The following ROR1 variants were observed in gnomAD, a reference collection of about 807,000 sequenced individuals.
ROR1 encodes ROR family WNT receptor 1, also known as inactive tyrosine-protein kinase transmembrane receptor ROR1.
A neutral mutation model predicts 78.8 loss-of-function variants in ROR1; 19 were observed. The observed-to-expected ratio is 0.24, with a 90% CI of 0.17 to 0.35. The LOEUF (loss-of-function observed/expected upper bound fraction) is 0.35. Among genes scored for constraint, ROR1 ranks in the 10% least tolerant of loss-of-function variants. ROR1 has a pLI of 1.00. For synonymous variants in ROR1, 386 were observed against 433.6 expected, an observed-to-expected ratio of 0.89 and a Z score of 1.36; for missense variants, 917 against 1,177.8, an observed-to-expected ratio of 0.78 and a Z score of 3.24.
At chr1:63,954,361 T>C (rs1347840386) in intron 1 of ROR1, among the ~76,000 whole-genome samples, 1 of 152,200 alleles carries the variant, frequency 6.6e-6, no homozygotes, top group Non-Finnish European at 1.5e-5. Context: ...GACTTGGTCA[T>C]ATGGTCACAC....
intron 2 of ROR1, among the ~76,000 whole-genome samples, chr1:64,019,648 G>A (rs1306024528): frequency 2.6e-5 from 4 of 152,002 alleles, no homozygotes; most frequent in South Asian, 4.2e-4. Flanking sequence ...ACCATCTATC[G>A]AGGGCTTATG....
chr1:63,956,738 A>T (rs1312786733), intron 1 of ROR1, among the ~76,000 whole-genome samples: 1 of 152,224 alleles, frequency 6.6e-6, no homozygotes, highest in African/African-American at 2.4e-5. Flanking sequence ...AAAGCAATAG[A>T]TGCCTGTAGT....
chr1:63,893,809 G>A (rs1645418693), intron 1 of ROR1, among the ~76,000 whole-genome samples: 1 of 152,094 alleles, frequency 6.6e-6, no homozygotes, highest in African/African-American at 2.4e-5. Flanking sequence ...AGGATTCTTG[G>A]TAGATGCCTA....
chr1:64,136,448 A>G (rs1229982287), intron 4 of ROR1, among the ~76,000 whole-genome samples: 3 of 149,850 alleles, frequency 2.0e-5, no homozygotes, highest in African/African-American at 7.4e-5. Context: ...TGGTTTGGCT[A>G]TGGTCTGCCT....
intron 8 of ROR1, among the ~76,000 whole-genome samples, chr1:64,159,853 C>A (rs1160703510): frequency 6.6e-6 from 1 of 152,116 alleles, no homozygotes; most frequent in Non-Finnish European, 1.5e-5. Context: ...TGCTTTTCAT[C>A]CACATCTTTC....
chr1:63,887,231 G>GT (rs561862419), intron 1 of ROR1, among the ~76,000 whole-genome samples: 2 of 151,036 alleles, frequency 1.3e-5, no homozygotes, highest in Non-Finnish European at 3.0e-5. Flanking sequence ...GGGATGGGGG[G>GT]GTTTGGGGAT....
intron 2 of ROR1, among the ~76,000 whole-genome samples, chr1:64,031,362 T>A (rs1646658362): frequency 6.6e-6 from 1 of 152,222 alleles, no homozygotes; most frequent in African/African-American, 2.4e-5. Flanking sequence ...TTAGCCTTGC[T>A]ATCCTGAGTA....
chr1:64,039,714 G>A (rs1251662413), intron 2 of ROR1, among the ~76,000 whole-genome samples: 1 of 152,166 alleles, frequency 6.6e-6, no homozygotes, highest in Non-Finnish European at 1.5e-5. Context: ...TCACAGAGAT[G>A]ACTTATGATG....
Position 64,178,349 on chromosome 1 carries a change from A to T in ROR1, c.2308A>T (p.Thr770Ser). Residue 770 changes from threonine (T) to serine (S), a missense_variant, in exon 9 of 9, where the codon ACA becomes TCA. Physicochemically the swap from Thr to Ser is moderately conservative, Grantham distance 58. Around this residue, in one of 3 missense-constraint regions of ROR1, gnomAD observed 835 missense variants for 1,069.8 expected, o/e 0.78. Transcript: ENST00000371079. This position sits in a 1 kb window ranked among gnomAD's most constrained non-coding sequence, Gnocchi z 4.3. Reference sequence around the variant, plus strand: ...TTCAGGGGGAAATGCCACCACACAGACAACCTCCCTCAGTGCCAGCCCAGT... The same window carrying T: ...TTCAGGGGGAAATGCCACCACACAGTCAACCTCCCTCAGTGCCAGCCCAGT... ...TPSGGNATTQ[T>S]TSLSASPVSN... is the part of the protein sequence containing the mutation. The T allele has an allele frequency of 6.2e-7, 1 of 1,614,190 alleles. No homozygotes were observed. Among genetic ancestry groups the T allele is most frequent in the Admixed American group, 1.7e-5 (1 of 60,024 alleles).
At chr1:64,108,436 A>G (rs1647931304) in intron 4 of ROR1, 1 of 130,832 alleles carries the variant, frequency 7.6e-6, no homozygotes, top group Non-Finnish European at 1.6e-5. Context: ...AAAAAAAATC[A>G]CTGTTTAGCT....
chr1:64,064,598 C>T (rs1014608979), intron 4 of ROR1, among the ~76,000 whole-genome samples: 8 of 152,176 alleles, frequency 5.3e-5, no homozygotes, highest in African/African-American at 1.7e-4. Flanking sequence ...ACTAGAAAGC[C>T]GAGCCTGCAG....
chr1:63,850,952 G>T (rs1221389547), intron 1 of ROR1, among the ~76,000 whole-genome samples: 1 of 151,994 alleles, frequency 6.6e-6, no homozygotes, highest in Non-Finnish European at 1.5e-5. Flanking sequence ...TGCCTGTGTG[G>T]TTTTTTGGTT....
At chr1:64,177,090 T>C (rs896157473) in intron 8 of ROR1, among the ~76,000 whole-genome samples, 1 of 152,238 alleles carries the variant, frequency 6.6e-6, no homozygotes, top group Non-Finnish European at 1.5e-5. Flanking sequence ...GCAGATTCAG[T>C]AGGTCTGAGG....
chr1:64,176,614 G>A (rs1187586591), intron 8 of ROR1, among the ~76,000 whole-genome samples: 1 of 152,226 alleles, frequency 6.6e-6, no homozygotes, highest in African/African-American at 2.4e-5. Context: ...CTTTGTGTAT[G>A]TGGTGGCATT....
chr1:64,022,139 G>C (rs1646570078), intron 2 of ROR1, among the ~76,000 whole-genome samples: 1 of 152,210 alleles, frequency 6.6e-6, no homozygotes, highest in Admixed American at 6.6e-5. Flanking sequence ...AAAGAAGCCA[G>C]ACCTAAAAGG....
At chr1:64,063,442 A>T (rs1646932639) in intron 4 of ROR1, among the ~76,000 whole-genome samples, 2 of 152,176 alleles carry the variant, frequency 1.3e-5, no homozygotes, top group Non-Finnish European at 2.9e-5. Flanking sequence ...ATAATGTGGG[A>T]TGGCATATCC....
At chr1:64,155,066 C>T (rs79183915) in intron 7 of ROR1, among the ~76,000 whole-genome samples, 5,118 of 152,200 alleles carry the variant, frequency 0.034, 197 homozygotes, top group Admixed American at 0.11. Flanking sequence ...TTACTAGAAG[C>T]ACTGAAGGTA....
intron 8 of ROR1, among the ~76,000 whole-genome samples, chr1:64,175,027 GTTAT>G (rs1179089638): frequency 6.7e-6 from 1 of 149,058 alleles, no homozygotes; most frequent in Non-Finnish European, 1.5e-5. Flanking sequence ...TAAAAAAATA[GTTAT>G]TTAATTTAAA....
intron 1 of ROR1, among the ~76,000 whole-genome samples, chr1:63,834,150 T>G (rs1003364928): frequency 2.6e-5 from 4 of 151,792 alleles, no homozygotes; most frequent in African/African-American, 9.7e-5. Context: ...TACCCTGGGC[T>G]TAGACCCTCT....
Sources: allele counts gnomAD v4.1 joint callset (sites outside exome capture counted in the v4.1 genomes callset), GRCh38; gene constraint gnomAD v4.1.1; regional missense constraint gnomAD v4.1.1; non-coding constraint Gnocchi (gnomAD v3.1); transcripts MANE v1.5; gene names NCBI Gene and HGNC (gene_info 2026-07-23, HGNC 2026-07-21).